The following AAK1 variants were observed in gnomAD, a reference collection of about 807,000 sequenced individuals.
The protein encoded by AAK1 is AP2 associated kinase 1.
In AAK1, 37 loss-of-function variants were observed where a neutral mutation model predicts 116.0. The ratio of observed to expected loss-of-function variants is 0.32; its 90% CI spans 0.25 to 0.42. AAK1 has a LOEUF of 0.42. AAK1 is among the 10% of genes least tolerant of loss of function. AAK1 has a pLI of 1.00. For missense variants in AAK1, 919 were observed against 1,170.6 expected (o/e 0.79, Z 3.14); for synonymous variants, 458 against 439.9 (o/e 1.04, Z -0.51).
In AAK1 at chr2:69,465,654, G is replaced by A; in HGVS notation, c.*10215C>T. On this transcript the variant is annotated 3_prime_UTR_variant, in exon 22 of 22. Coordinates refer to ENST00000409085, the MANE Select transcript of AAK1 (RefSeq NM_014911.5). ...CTTGGATAAGGACTGGGGGCGGAAT[G>A]GTTTGCCAGCCATGGGGCCTGAGAC... is the stretch of plus-strand genomic sequence containing the variant. 1 of 1,290,966 alleles carries A rather than the reference G, an allele frequency of 7.7e-7. No homozygotes were observed. Among genetic ancestry groups the A allele is most frequent in the South Asian group, 1.2e-5 (1 of 81,028 alleles). The allele number at this position is 1,290,966 out of a possible 1,614,324, so 80.0% of individuals were successfully genotyped here.
intron 5 of AAK1, among the ~76,000 whole-genome samples, chr2:69,535,396 T>C (rs1361522949): frequency 7.2e-6 from 1 of 139,120 alleles, no homozygotes; most frequent in Non-Finnish European, 1.6e-5. Context: ...TTTCAACTCC[T>C]ACTATATGCC....
At position 69,495,988 on chromosome 2, in the gene AAK1, G is replaced by A. The variant is rs372879743; in HGVS notation, c.2362C>T (p.Pro788Ser). The A allele has an allele frequency of 5.5e-5, 85 of 1,550,456 alleles. No homozygotes were observed. The highest frequency in any genetic ancestry group is 2.9e-4 in the Admixed American group (15 of 51,030). Residue 788 changes from proline to serine, a missense_variant, in exon 17 of 22, where the codon CCA (proline) becomes TCA (serine). Transcript: ENST00000409085. ...CAGAACAGTTCTGTTCACCTACCTG[G>A]TGCATCAGGTACTTGAAGAGGAATG... Reference protein sequence around the residue: ...PFIPLQVPDAPEKLIEGLKSP... With the variant: ...PFIPLQVPDASEKLIEGLKSP...
chr2:69,466,935 G>C lies in AAK1; in HGVS notation c.*8934C>G. On this transcript the variant is annotated 3_prime_UTR_variant, in exon 22 of 22. Coordinates refer to ENST00000409085, the MANE Select transcript of AAK1 (RefSeq NM_014911.5). ...CTCCACATATACCATGACAGTTTTGGATTATGTAGAAACACTGTCTGGGGA... is the reference window on the plus strand; with the variant it reads ...CTCCACATATACCATGACAGTTTTGCATTATGTAGAAACACTGTCTGGGGA... 1 of 985,406 alleles carries C rather than the reference G, an allele frequency of 1.0e-6. No homozygotes were observed. Among genetic ancestry groups the C allele is most frequent in the Non-Finnish European group, 1.2e-6 (1 of 829,942 alleles). The allele number at this position is 985,406 out of a possible 1,614,324, so 61.0% of individuals were successfully genotyped here.
rs1050554406 is a variant in AAK1, at chr2:69,518,847, A to C, written c.1497+107T>G. 3.5e-6 allele frequency: 5 copies of C among 1,418,328 alleles called. No individual in the cohort carries two copies. The African/African-American group carries it at 7.2e-5, about 20-fold the overall frequency. 87.9% of individuals were successfully genotyped at this position (1,418,328 alleles called of 1,614,324 possible). ...TTTAGTATCTACATCTATGAGAAAC[A>C]GTGATGTAATGTTTAATGGCTCTCT... On this transcript the variant is annotated intron_variant, in intron 12 of 21. Coordinates refer to ENST00000409085, the MANE Select transcript of AAK1 (RefSeq NM_014911.5).
At chr2:69,641,340 T>A (rs75255756) in intron 2 of AAK1, among the ~76,000 whole-genome samples, 2,228 of 152,200 alleles carry the variant, frequency 0.015, 55 homozygotes, top group African/African-American at 0.051. Flanking sequence ...TCCACCCCAC[T>A]GCAGTTAAGG....
chr2:69,601,139 T>A (rs1276843837), intron 2 of AAK1, among the ~76,000 whole-genome samples: 1 of 152,258 alleles, frequency 6.6e-6, no homozygotes, highest in Non-Finnish European at 1.5e-5. Flanking sequence ...TGACTCCCTT[T>A]ACTGTGATAT....
chr2:69,627,433 C>T (rs1177463427), intron 2 of AAK1, among the ~76,000 whole-genome samples: 2 of 151,968 alleles, frequency 1.3e-5, no homozygotes, highest in African/African-American at 4.8e-5. Flanking sequence ...TTACACTGGG[C>T]GGTAAAGGAC....
chr2:69,581,716 C>A (rs567190704), intron 2 of AAK1, among the ~76,000 whole-genome samples: 10 of 152,118 alleles, frequency 6.6e-5, no homozygotes, highest in Non-Finnish European at 1.3e-4. Flanking sequence ...GTGGTTCATG[C>A]CTATAATCCC....
At chr2:69,476,729 T>A (rs2104884491) in intron 21 of AAK1, 151 bp downstream of exon 21, 1 of 573,472 alleles carries the variant, frequency 1.7e-6, no homozygotes, top group Admixed American at 3.3e-5. Context: ...TCTCTATCTA[T>A]CTCTATTGGT....
At chr2:69,574,423 GGGGCTGGGCATGGTGGTGTATGCCT>G (rs1323915661) in intron 2 of AAK1, among the ~76,000 whole-genome samples, 1 of 149,996 alleles carries the variant, frequency 6.7e-6, no homozygotes, top group East Asian at 2.0e-4. Context: ...GAGAGAGATT[GGGGCTGGGCATGGTGGTGTATGCCT>G]GTAGTCCCAG....
At chr2:69,557,301 C>CT (rs869066825) in intron 2 of AAK1, among the ~76,000 whole-genome samples, 1,515 of 136,712 alleles carry the variant, frequency 0.011, 19 homozygotes, top group African/African-American at 0.027. Flanking sequence ...ATCCTATGTA[C>CT]TTTTTTTTTT....
chr2:69,544,617 T>C (rs1428832107), intron 3 of AAK1, 73 bp from the exon 4 acceptor site: 2 of 1,049,840 alleles, frequency 1.9e-6, no homozygotes, highest in South Asian at 1.4e-5. Context: ...GTCAGTTCCA[T>C]TAGCACAGAT....
chr2:69,599,217 C>T (rs1195779804), intron 2 of AAK1, among the ~76,000 whole-genome samples: 5 of 152,062 alleles, frequency 3.3e-5, no homozygotes, highest in African/African-American at 9.7e-5. Flanking sequence ...CCAAACAATT[C>T]GAACATGTCT....
intron 2 of AAK1, among the ~76,000 whole-genome samples, chr2:69,565,180 C>T (rs138540992): frequency 1.7e-4 from 26 of 152,282 alleles, no homozygotes; most frequent in African/African-American, 5.5e-4. Context: ...AAGTTCATGC[C>T]CCTGCTCATG....
chr2:69,496,553 C>A (rs879714632), intron 16 of AAK1, among the ~76,000 whole-genome samples: 9 of 152,136 alleles, frequency 5.9e-5, no homozygotes, highest in Non-Finnish European at 2.9e-5. Flanking sequence ...CATGAGCCAC[C>A]GCACCCAGCT....
intron 10 of AAK1, among the ~76,000 whole-genome samples, chr2:69,523,768 G>C (rs1669892536): frequency 6.6e-6 from 1 of 152,230 alleles, no homozygotes; most frequent in African/African-American, 2.4e-5. Flanking sequence ...GCTTCCCATA[G>C]GTTGCTGCCA....
At chr2:69,583,509 G>C (rs963994225) in intron 2 of AAK1, among the ~76,000 whole-genome samples, 3 of 152,200 alleles carry the variant, frequency 2.0e-5, no homozygotes, top group Non-Finnish European at 4.4e-5. Context: ...AAGATTCTCT[G>C]AAAGAGTGTT....
intron 2 of AAK1, among the ~76,000 whole-genome samples, chr2:69,640,887 G>A (rs1675693497): frequency 1.3e-5 from 2 of 152,058 alleles, no homozygotes; most frequent in Non-Finnish European, 2.9e-5. Flanking sequence ...CACTATAACT[G>A]GCTATTTTCC....
Position 69,472,749 on chromosome 2 carries a change from T to C in AAK1, c.*3120A>G. ...ATCAGAAACATATGCTTATAGTATT[T>C]GCCCGTTTTAAACTGGTAGATGCCT... On this transcript the variant is annotated 3_prime_UTR_variant, in exon 22 of 22. Transcript: ENST00000409085. 2 of 985,452 alleles carry C rather than the reference T, an allele frequency of 2.0e-6. No individual in the cohort carries two copies. Among genetic ancestry groups the C allele is most frequent in the Non-Finnish European group, 2.4e-6 (2 of 829,924 alleles). 61.0% of individuals were successfully genotyped at this position (985,452 alleles called of 1,614,324 possible).
Sources: gnomAD v4.1 joint callset for allele counts (sites outside exome capture counted in the v4.1 genomes callset) on GRCh38, gnomAD v4.1.1 for gene constraint, MANE v1.5 for transcripts, NCBI Gene and HGNC (gene_info 2026-07-23, HGNC 2026-07-21) for gene names.